The following SLC25A21 variants were observed in gnomAD, a reference collection of about 807,000 sequenced individuals.
The protein encoded by SLC25A21 is solute carrier family 25 member 21.
In SLC25A21, 47 loss-of-function variants were observed where a neutral mutation model predicts 43.8. The ratio of observed to expected loss-of-function variants is 1.07; its 90% CI spans 0.85 to 1.37. The LOEUF is 1.37. Ranked by LOEUF, SLC25A21 falls within the 40% of genes most tolerant of loss-of-function variation. The pLI is 0.00. For synonymous variants in SLC25A21, 131 were observed against 121.3 expected, an observed-to-expected ratio of 1.08 and a Z score of -0.52; for missense variants, 352 against 350.2, an observed-to-expected ratio of 1.00 and a Z score of -0.04.
chr14:36,779,441 TA>T (rs978228776), intron 3 of SLC25A21, among the ~76,000 whole-genome samples: 4 of 135,310 alleles, frequency 3.0e-5, no homozygotes, highest in African/African-American at 5.4e-5. Flanking sequence ...ATCCAGGCTT[TA>T]AAAAAAAGAA....
intron 1 of SLC25A21, among the ~76,000 whole-genome samples, chr14:37,163,270 A>T (rs1156762976): frequency 6.6e-6 from 1 of 150,464 alleles, no homozygotes; most frequent in Non-Finnish European, 1.5e-5. Context: ...GTGCACATGT[A>T]CCCTAAAACT....
At chr14:37,071,507 G>C (rs983409450) in intron 1 of SLC25A21, among the ~76,000 whole-genome samples, 3 of 152,156 alleles carry the variant, frequency 2.0e-5, no homozygotes, top group African/African-American at 7.2e-5. Flanking sequence ...AAGCAGCCCT[G>C]AGCTAGAAGG....
chr14:36,896,699 G>C (rs1891249329), intron 1 of SLC25A21, among the ~76,000 whole-genome samples: 1 of 152,096 alleles, frequency 6.6e-6, no homozygotes, highest in South Asian at 2.1e-4. Context: ...TCCATGTTTA[G>C]TACTTCCTTC....
intron 1 of SLC25A21, among the ~76,000 whole-genome samples, chr14:36,936,622 A>G (rs765524490): frequency 3.3e-5 from 5 of 152,184 alleles, no homozygotes; most frequent in South Asian, 4.1e-4. Context: ...TCTGTTCAAA[A>G]CACGTGTGAC....
chr14:36,759,007 T>C (rs1402900528), intron 3 of SLC25A21, among the ~76,000 whole-genome samples: 1 of 152,190 alleles, frequency 6.6e-6, no homozygotes, highest in East Asian at 1.9e-4. Context: ...GGCATTTTCG[T>C]TATTCAGCTC....
At chr14:37,147,668 T>G (rs1963690065) in intron 1 of SLC25A21, among the ~76,000 whole-genome samples, 1 of 150,352 alleles carries the variant, frequency 6.7e-6, no homozygotes, top group South Asian at 2.1e-4. Flanking sequence ...GGAAGAAAAT[T>G]TTTGTGGCTT....
At chr14:36,778,594 C>A (rs1219862898) in intron 3 of SLC25A21, among the ~76,000 whole-genome samples, 1 of 152,134 alleles carries the variant, frequency 6.6e-6, no homozygotes, top group Non-Finnish European at 1.5e-5. Context: ...CTTGTCATTA[C>A]CCCCATTTTA....
intron 6 of SLC25A21, among the ~76,000 whole-genome samples, chr14:36,716,730 C>A (rs1162367363): frequency 1.3e-5 from 2 of 152,190 alleles, no homozygotes; most frequent in East Asian, 3.9e-4. Context: ...ACTGACGATA[C>A]CTGGCTCTGA....
At chr14:36,940,558 G>A (rs980634743) in intron 1 of SLC25A21, among the ~76,000 whole-genome samples, 13 of 152,018 alleles carry the variant, frequency 8.6e-5, no homozygotes, top group African/African-American at 2.7e-4. Context: ...GCCATATATA[G>A]TTAATAGCCT....
rs1024435421 is a variant in SLC25A21 at position 36,906,668 on chromosome 14, G to C, written c.71-31664C>G. On this transcript the variant is annotated intron_variant, in intron 1 of 9. Coordinates refer to ENST00000331299, the MANE Select transcript of SLC25A21 (RefSeq NM_030631.4). The stretch of plus-strand genomic sequence containing the variant: ...TTACAGACATGCGCCACCACACCCA[G>C]CTAATTTTTGTATTTTTAGTAGAGA... 6.6e-5 allele frequency among the ~76,000 whole-genome samples: 10 copies of C among 152,078 alleles called. No individual in the cohort carries two copies. The East Asian group carries it at 1.9e-3, about 29-fold the overall frequency.
chr14:37,007,516 T>C (rs997416695), intron 1 of SLC25A21, among the ~76,000 whole-genome samples: 1 of 151,650 alleles, frequency 6.6e-6, no homozygotes, highest in African/African-American at 2.4e-5. Flanking sequence ...GGCAGGAGAA[T>C]AGCTTGAACC....
At chr14:37,132,856 G>A (rs1201659593) in intron 1 of SLC25A21, among the ~76,000 whole-genome samples, 2 of 151,534 alleles carry the variant, frequency 1.3e-5, no homozygotes, top group African/African-American at 4.9e-5. Flanking sequence ...TCAGCCTCCC[G>A]ACTAACTGGG....
chr14:36,804,642 C>T (rs1483331677), intron 3 of SLC25A21, among the ~76,000 whole-genome samples: 1 of 152,176 alleles, frequency 6.6e-6, no homozygotes, highest in African/African-American at 2.4e-5. Context: ...CCTCCAATTC[C>T]AAACCACCTG....
At chr14:37,153,664 G>A (rs776099725) in intron 1 of SLC25A21, among the ~76,000 whole-genome samples, 2 of 152,198 alleles carry the variant, frequency 1.3e-5, no homozygotes, top group Non-Finnish European at 2.9e-5. Context: ...CAGTGGTGGG[G>A]CCTCAGCATG....
intron 1 of SLC25A21, among the ~76,000 whole-genome samples, chr14:37,113,825 G>C (rs1382695917): frequency 1.5e-5 from 2 of 135,930 alleles, no homozygotes; most frequent in South Asian, 2.4e-4. Context: ...CTGTACTCCA[G>C]TCTGGGCAAC....
chr14:36,847,370 A>T (rs1051840120), intron 2 of SLC25A21, among the ~76,000 whole-genome samples: 13 of 152,228 alleles, frequency 8.5e-5, no homozygotes, highest in Non-Finnish European at 1.6e-4. Flanking sequence ...GTTATTTGGC[A>T]GTTACTGGCC....
At chr14:36,737,288 G>A (rs1885080260) in intron 3 of SLC25A21, among the ~76,000 whole-genome samples, 1 of 152,208 alleles carries the variant, frequency 6.6e-6, no homozygotes, top group African/African-American at 2.4e-5. Flanking sequence ...ATATTAAAAA[G>A]AGGTGTGATG....
chr14:36,861,638 T>C lies in SLC25A21; in HGVS notation c.119+13318A>G, dbSNP rs116768273. Reference sequence around the variant, plus strand: ...GCAGCTAAGGAGCAAACACTCTGGATAAAGATAATTTTACTTTCACTGATG... The same window carrying C: ...GCAGCTAAGGAGCAAACACTCTGGACAAAGATAATTTTACTTTCACTGATG... On this transcript the variant is annotated intron_variant, in intron 2 of 9. Coordinates refer to ENST00000331299, the MANE Select transcript of SLC25A21 (RefSeq NM_030631.4). 6.3e-3 allele frequency among the ~76,000 whole-genome samples: 967 copies of C among 152,328 alleles called. 13 individuals carry two copies. The highest frequency in any genetic ancestry group is 0.022 in the African/African-American group (908 of 41,562).
chr14:37,030,560 T>A (rs1009182902), intron 1 of SLC25A21, among the ~76,000 whole-genome samples: 3 of 152,230 alleles, frequency 2.0e-5, no homozygotes, highest in Non-Finnish European at 1.5e-5. Context: ...CCATTTTTTC[T>A]GGATTAGCCT....
Sources: allele counts gnomAD v4.1 joint callset (sites outside exome capture counted in the v4.1 genomes callset), GRCh38; gene constraint gnomAD v4.1.1; transcripts MANE v1.5; gene names NCBI Gene and HGNC (gene_info 2026-07-23, HGNC 2026-07-21).